The following SLC9A9 variants were observed in gnomAD, a reference collection of about 807,000 sequenced individuals.
SLC9A9 encodes the protein solute carrier family 9 member A9, also known as sodium/hydrogen exchanger 9.
SLC9A9 carries 62 observed loss-of-function variants against 77.8 expected under a neutral mutation model. The ratio of observed to expected loss-of-function variants is 0.80; its 90% CI spans 0.65 to 0.98. The LOEUF (loss-of-function observed/expected upper bound fraction) is 0.98. SLC9A9 is among the 50% of genes least tolerant of loss of function. SLC9A9 has a pLI of 0.00. For synonymous variants in SLC9A9, 320 were observed against 283.5 expected, an observed-to-expected ratio of 1.13 and a Z score of -1.29; for missense variants, 775 against 774.9, an observed-to-expected ratio of 1.00 and a Z score of 0.00.
intron 14 of SLC9A9, among the ~76,000 whole-genome samples, chr3:143,291,653 A>G (rs2029982197): frequency 6.6e-6 from 1 of 152,218 alleles, no homozygotes; most frequent in Non-Finnish European, 1.5e-5. Context: ...GAAAAAGATA[A>G]CAATCAGAAC....
intron 9 of SLC9A9, among the ~76,000 whole-genome samples, chr3:143,529,745 A>T (rs2036471745): frequency 6.6e-6 from 1 of 152,200 alleles, no homozygotes; most frequent in Admixed American, 6.5e-5. Flanking sequence ...GTACTTATTC[A>T]TATTTTATAA....
rs572685111 is a variant in SLC9A9, at chr3:143,800,234, C to T, written c.379-3331G>A. ...TGACCAATCATGCACCCCTTATCAT[C>T]CCATTAAAACCTAATCACCCTTACC... On this transcript the variant is annotated intron_variant, in intron 2 of 15. Coordinates refer to ENST00000316549, the MANE Select transcript of SLC9A9 (RefSeq NM_173653.4). 5.9e-5 allele frequency among the ~76,000 whole-genome samples: 9 copies of T among 152,216 alleles called. No individual in the cohort carries two copies. The South Asian group carries it at 1.9e-3, about 32-fold the overall frequency.
chr3:143,490,048 A>G (rs892726466), intron 11 of SLC9A9, among the ~76,000 whole-genome samples: 2 of 152,186 alleles, frequency 1.3e-5, no homozygotes, highest in African/African-American at 4.8e-5. Flanking sequence ...TGGAGAAATA[A>G]GAACATTTGG....
At chr3:143,317,348 G>T (rs2031250003) in intron 14 of SLC9A9, among the ~76,000 whole-genome samples, 2 of 152,190 alleles carry the variant, frequency 1.3e-5, no homozygotes, top group South Asian at 4.2e-4. Context: ...GCACAACAGG[G>T]CAACAGCCCT....
chr3:143,548,728 C>G (rs917082505), intron 9 of SLC9A9, among the ~76,000 whole-genome samples: 3 of 152,052 alleles, frequency 2.0e-5, no homozygotes, highest in Non-Finnish European at 2.9e-5. Flanking sequence ...AAATGAAGTT[C>G]CTACATCTAA....
At chr3:143,284,404 ATTTT>A (rs36119351) in intron 14 of SLC9A9, among the ~76,000 whole-genome samples, 1 of 136,848 alleles carries the variant, frequency 7.3e-6, no homozygotes, top group Admixed American at 7.3e-5. Flanking sequence ...GGCCCTTTCT[ATTTT>A]TTTTTTTTTT....
At chr3:143,281,216 C>T (rs1314957441) in intron 14 of SLC9A9, among the ~76,000 whole-genome samples, 1 of 152,204 alleles carries the variant, frequency 6.6e-6, no homozygotes, top group African/African-American at 2.4e-5. Flanking sequence ...CTGTTTGCAT[C>T]ACTAAGTTGC....
At chr3:143,503,889 G>T (rs573695248) in intron 9 of SLC9A9, 3 of 366,354 alleles carry the variant, frequency 8.2e-6, no homozygotes, top group Admixed American at 3.4e-5. Flanking sequence ...ATGAACATGG[G>T]GGCATCAGAG....
chr3:143,754,240 T>C (rs961374412), intron 4 of SLC9A9, among the ~76,000 whole-genome samples: 3 of 152,188 alleles, frequency 2.0e-5, no homozygotes, highest in Admixed American at 6.5e-5. Flanking sequence ...AGGAAAAGTG[T>C]TCTTGCAGCC....
At chr3:143,838,636 C>T (rs923450688) in intron 1 of SLC9A9, among the ~76,000 whole-genome samples, 1 of 152,120 alleles carries the variant, frequency 6.6e-6, no homozygotes, top group African/African-American at 2.4e-5. Context: ...CATCTGAGTT[C>T]AGGAATTCCA....
intron 6 of SLC9A9, among the ~76,000 whole-genome samples, chr3:143,637,073 A>G (rs1309875273): frequency 6.6e-6 from 1 of 152,248 alleles, no homozygotes; most frequent in Non-Finnish European, 1.5e-5. Flanking sequence ...TCACCATGAA[A>G]AAACAGTGTT....
At chr3:143,445,300 T>C (rs554563057) in intron 12 of SLC9A9, among the ~76,000 whole-genome samples, 3 of 152,326 alleles carry the variant, frequency 2.0e-5, no homozygotes, top group Non-Finnish European at 4.4e-5. Context: ...GCATGAAACT[T>C]GTCAATGGTC....
At chr3:143,732,540 T>C (rs890396040) in intron 4 of SLC9A9, among the ~76,000 whole-genome samples, 2 of 152,356 alleles carry the variant, frequency 1.3e-5, no homozygotes, top group South Asian at 4.1e-4. Flanking sequence ...CGCGTGTGAC[T>C]GTCTCAATGA....
At chr3:143,560,963 C>T (rs1374932141) in intron 8 of SLC9A9, among the ~76,000 whole-genome samples, 1 of 152,110 alleles carries the variant, frequency 6.6e-6, no homozygotes, top group East Asian at 1.9e-4. Context: ...GGCTGATCAC[C>T]TGAGGTCAGG....
At chr3:143,393,699 G>T (rs950740775) in intron 12 of SLC9A9, among the ~76,000 whole-genome samples, 1 of 151,862 alleles carries the variant, frequency 6.6e-6, no homozygotes, top group East Asian at 1.9e-4. Flanking sequence ...TTGATAGACC[G>T]CTAGCAAGAC....
chr3:143,582,517 T>A (rs1280948761), intron 6 of SLC9A9, among the ~76,000 whole-genome samples: 1 of 152,104 alleles, frequency 6.6e-6, no homozygotes, highest in Non-Finnish European at 1.5e-5. Context: ...GCAAATGGGG[T>A]GTGACTGCCC....
At chr3:143,524,339 C>A (rs1213001751) in intron 9 of SLC9A9, among the ~76,000 whole-genome samples, 8 of 152,032 alleles carry the variant, frequency 5.3e-5, no homozygotes, top group Admixed American at 5.2e-4. Flanking sequence ...GATTAATAGA[C>A]TTCTTATCCA....
chr3:143,404,066 CTA>C (rs560744455), intron 12 of SLC9A9, among the ~76,000 whole-genome samples: 9 of 152,016 alleles, frequency 5.9e-5, no homozygotes, highest in Non-Finnish European at 1.3e-4. Context: ...AGTTCACTGA[CTA>C]TTTCTTTTTC....
At chr3:143,804,562 C>T (rs921297224) in intron 2 of SLC9A9, among the ~76,000 whole-genome samples, 4 of 152,160 alleles carry the variant, frequency 2.6e-5, no homozygotes, top group Non-Finnish European at 4.4e-5. Context: ...CCAGTTTTGC[C>T]TTGCACAAGG....
Sources: allele counts gnomAD v4.1 joint callset (sites outside exome capture counted in the v4.1 genomes callset), GRCh38; gene constraint gnomAD v4.1.1; transcripts MANE v1.5; gene names NCBI Gene and HGNC (gene_info 2026-07-23, HGNC 2026-07-21).